The following LGSN variants were observed in gnomAD, a reference collection of about 807,000 sequenced individuals.
LGSN encodes lengsin.
In LGSN, 21 loss-of-function variants were observed where a neutral mutation model predicts 19.5. The observed-to-expected ratio is 1.07, with a 90% confidence interval of 0.76 to 1.55. The LOEUF (loss-of-function observed/expected upper bound fraction) is 1.55, where lower values mean the gene tolerates loss of function less well. LGSN is among the 40% of genes most tolerant of loss of function. The pLI is 0.00. For missense variants in LGSN, 673 were observed against 608.5 expected (o/e 1.11, Z -1.12); for synonymous variants, 257 against 215.6 (o/e 1.19, Z -1.68).
chr6:63,360,668 C>G, the LGSN span, among the ~76,000 whole-genome samples: 2 of 152,248 alleles, frequency 1.3e-5, no homozygotes, highest in Admixed American at 6.5e-5. Context: ...CAAAGTCATT[C>G]TCCGTCCAGC....
the LGSN span, among the ~76,000 whole-genome samples, chr6:63,454,281 A>C: frequency 6.6e-6 from 1 of 152,262 alleles, no homozygotes; most frequent in Non-Finnish European, 1.5e-5. Context: ...AGATTGAAAC[A>C]CTTTTAATTT....
the LGSN span, chr6:63,396,866 G>A: frequency 6.5e-6 from 1 of 152,944 alleles, no homozygotes; most frequent in African/African-American, 2.4e-5. Context: ...CATGTGTATG[G>A]GGGAAGGGGT....
At chr6:63,336,106 G>A in the LGSN span, among the ~76,000 whole-genome samples, 49 of 152,232 alleles carry the variant, frequency 3.2e-4, no homozygotes, top group African/African-American at 1.2e-3. Context: ...GTGGGTTAAT[G>A]GATACAAACA....
At chr6:63,549,565 A>AT in the LGSN span, 2 of 605,880 alleles carry the variant, frequency 3.3e-6, no homozygotes, top group South Asian at 2.1e-5. Flanking sequence ...CAAGATTTGA[A>AT]GTTTTTTTTT....
chr6:63,534,038 T>A, the LGSN span, among the ~76,000 whole-genome samples: 4 of 152,076 alleles, frequency 2.6e-5, no homozygotes, highest in African/African-American at 9.6e-5. Context: ...GAGATGGGGT[T>A]TCACCATTTT....
intron 2 of LGSN, 61 bp downstream of exon 2, chr6:63,294,852 A>C: frequency 6.5e-7 from 1 of 1,537,764 alleles, no homozygotes; most frequent in Non-Finnish European, 8.9e-7. Flanking sequence ...TATGAAAAGA[A>C]AGACCAAATG....
chr6:63,294,031 G>A (rs1767876419), intron 2 of LGSN, among the ~76,000 whole-genome samples: 1 of 152,104 alleles, frequency 6.6e-6, no homozygotes, highest in Non-Finnish European at 1.5e-5. Context: ...ATTGTTTATA[G>A]AGAATTTAAA....
chr6:63,554,497 A>G, the LGSN span, among the ~76,000 whole-genome samples: 1 of 152,148 alleles, frequency 6.6e-6, no homozygotes, highest in Non-Finnish European at 1.5e-5. Flanking sequence ...ACAATAAGGA[A>G]CACCTATTAC....
the LGSN span, among the ~76,000 whole-genome samples, chr6:63,437,226 A>G: frequency 6.6e-6 from 1 of 151,640 alleles, no homozygotes. Flanking sequence ...GGAAAGGGAA[A>G]GGGAATGAAA....
At chr6:63,390,784 C>T in the LGSN span, among the ~76,000 whole-genome samples, 7 of 147,338 alleles carry the variant, frequency 4.8e-5, no homozygotes, top group East Asian at 8.1e-4. Flanking sequence ...GCGTGAACCC[C>T]GGGGGACGGA....
the LGSN span, among the ~76,000 whole-genome samples, chr6:63,381,911 A>G: frequency 6.6e-6 from 1 of 152,218 alleles, no homozygotes; most frequent in African/African-American, 2.4e-5. Flanking sequence ...CTAAGGGATA[A>G]TATTGTTTTT....
At chr6:63,411,369 A>G in the LGSN span, among the ~76,000 whole-genome samples, 1 of 152,254 alleles carries the variant, frequency 6.6e-6, no homozygotes, top group Non-Finnish European at 1.5e-5. Context: ...AAGTTACACT[A>G]GGACATAGCC....
the LGSN span, among the ~76,000 whole-genome samples, chr6:63,378,276 A>T: frequency 6.6e-6 from 1 of 152,170 alleles, no homozygotes; most frequent in Non-Finnish European, 1.5e-5. Context: ...GGGAACAGAC[A>T]TCTGAATGAC....
Position 63,280,838 on chromosome 6 carries a change from G to C in LGSN, c.713C>G (p.Pro238Arg). 6.2e-7 allele frequency: 1 copy of C among 1,614,014 alleles called. No individual in the cohort carries two copies. Among genetic ancestry groups the C allele is most frequent in the Non-Finnish European group, 8.5e-7 (1 of 1,179,990 alleles). The change falls in exon 4 of 4, where the codon CCC becomes CGC. Residue 238 changes from proline to arginine, a missense_variant. Transcript: ENST00000370657. The part of the protein sequence containing the change: ...ALTFLNNHDQ[P>R]FMQELVDGLY... ...GCCATCAACAAGTTCCTGCATGAAGGGCTGATCATGGTTATTTAAAAATGT... is the reference window on the plus strand; with the variant it reads ...GCCATCAACAAGTTCCTGCATGAAGCGCTGATCATGGTTATTTAAAAATGT...
the LGSN span, among the ~76,000 whole-genome samples, chr6:63,332,255 G>A: frequency 3.9e-5 from 6 of 152,124 alleles, no homozygotes; most frequent in African/African-American, 1.4e-4. Context: ...CATTCTTATA[G>A]GAGAAACTAG....
At chr6:63,447,004 G>A in the LGSN span, among the ~76,000 whole-genome samples, 2 of 152,154 alleles carry the variant, frequency 1.3e-5, no homozygotes, top group South Asian at 2.1e-4. Flanking sequence ...AGCCGAGATC[G>A]TGCCGTTGCA....
chr6:63,312,229 T>A (rs968650478), intron 1 of LGSN, among the ~76,000 whole-genome samples: 8 of 152,220 alleles, frequency 5.3e-5, no homozygotes, highest in Non-Finnish European at 8.8e-5. Flanking sequence ...ATTCTATATC[T>A]TAGCTATTGT....
chr6:63,360,431 C>G, the LGSN span, among the ~76,000 whole-genome samples: 2 of 152,176 alleles, frequency 1.3e-5, no homozygotes, highest in African/African-American at 4.8e-5. Flanking sequence ...TCCTGATACC[C>G]TTTCTTCCAG....
chr6:63,306,546 G>T (rs1045599438), intron 1 of LGSN, among the ~76,000 whole-genome samples: 10 of 152,010 alleles, frequency 6.6e-5, no homozygotes, highest in Admixed American at 5.9e-4. Flanking sequence ...CAAAATCAAA[G>T]ACATAAAAAT....
Sources: allele counts gnomAD v4.1 joint callset (sites outside exome capture counted in the v4.1 genomes callset), GRCh38; gene constraint gnomAD v4.1.1; transcripts MANE v1.5; gene names NCBI Gene and HGNC (gene_info 2026-07-23, HGNC 2026-07-21).